ATG7: variants seen among roughly 807,000 people sequenced by gnomAD.
The protein encoded by ATG7 is ubiquitin-like modifier-activating enzyme ATG7.
ATG7 carries 70 observed loss-of-function variants against 82.4 expected under a neutral mutation model. The ratio of observed to expected loss-of-function variants is 0.85; its 90% confidence interval spans 0.70 to 1.04. The LOEUF (loss-of-function observed/expected upper bound fraction) is 1.04, where lower values mean the gene tolerates loss of function less well. Among genes scored for constraint, ATG7 ranks in the 50% least tolerant of loss-of-function variants. The pLI is 0.00. For synonymous variants in ATG7, 287 were observed against 313.0 expected (o/e 0.92, Z 0.88); for missense variants, 792 against 864.3 (o/e 0.92, Z 1.05).
chr3:11,560,464 C>T (rs1476695311), downstream of ATG7, among the ~76,000 whole-genome samples: 2 of 152,166 alleles, frequency 1.3e-5, no homozygotes, highest in African/African-American at 2.4e-5. Flanking sequence ...GCCAGAGGGA[C>T]GCTGGGCCTT....
intron 20 of ATG7, among the ~76,000 whole-genome samples, chr3:11,479,442 G>A (rs958575391): frequency 3.3e-5 from 5 of 152,140 alleles, no homozygotes; most frequent in African/African-American, 1.2e-4. Flanking sequence ...CCAGAGCCTG[G>A]TGCCAGCACA....
intron 20 of ATG7, among the ~76,000 whole-genome samples, chr3:11,449,501 G>GA (rs2084903123): frequency 6.6e-6 from 1 of 152,192 alleles, no homozygotes; most frequent in African/African-American, 2.4e-5. Flanking sequence ...GAGAGGGTGA[G>GA]AGAGAGTATG....
At chr3:11,467,427 A>C (rs994955893) in intron 20 of ATG7, among the ~76,000 whole-genome samples, 1 of 152,196 alleles carries the variant, frequency 6.6e-6, no homozygotes, top group African/African-American at 2.4e-5. Flanking sequence ...CCCAGGCTGC[A>C]GTGCAATGGT....
At chr3:11,428,742 A>G (rs1228376111) in intron 20 of ATG7, among the ~76,000 whole-genome samples, 2 of 152,248 alleles carry the variant, frequency 1.3e-5, no homozygotes, top group African/African-American at 4.8e-5. Flanking sequence ...TTGTAAACAT[A>G]CAGTCATTTG....
chr3:11,295,896 A>G, intron 3 of ATG7, among the ~76,000 whole-genome samples: 1 of 151,056 alleles, frequency 6.6e-6, no homozygotes, highest in African/African-American at 2.4e-5. Flanking sequence ...CTCCTGCCTC[A>G]GCCTCCCAAG....
chr3:11,331,733 CT>C (rs1951673514), intron 10 of ATG7, among the ~76,000 whole-genome samples: 3 of 152,274 alleles, frequency 2.0e-5, no homozygotes, highest in Admixed American at 2.0e-4. Flanking sequence ...GTCTGGGTTT[CT>C]TTCAGATAGG....
chr3:11,421,980 G>C (rs2152933623), intron 19 of ATG7, among the ~76,000 whole-genome samples: 1 of 152,316 alleles, frequency 6.6e-6, no homozygotes, highest in East Asian at 1.9e-4. Flanking sequence ...TCAACAGTGG[G>C]CTTAAGATAT....
chr3:11,437,202 G>A (rs1436210623), intron 20 of ATG7, among the ~76,000 whole-genome samples: 2 of 152,196 alleles, frequency 1.3e-5, no homozygotes, highest in Non-Finnish European at 2.9e-5. Context: ...GTCGTAGGAT[G>A]TTAGCTCATT....
chr3:11,506,574 AAAAAAAAAAACC>A (rs763242887), intron 20 of ATG7, among the ~76,000 whole-genome samples: 1 of 116,168 alleles, frequency 8.6e-6, no homozygotes, highest in Admixed American at 9.2e-5. Flanking sequence ...AAAAAAAAAA[AAAAAAAAAAACC>A]CAAAAATTAG....
chr3:11,527,854 G>T (rs1288035288), intron 20 of ATG7, among the ~76,000 whole-genome samples: 2 of 152,212 alleles, frequency 1.3e-5, no homozygotes, highest in Non-Finnish European at 2.9e-5. Context: ...GCCAACATAG[G>T]TAAGATTTTG....
intron 3 of ATG7, among the ~76,000 whole-genome samples, chr3:11,286,635 G>A (rs1408079564): frequency 1.6e-5 from 2 of 125,030 alleles, no homozygotes; most frequent in African/African-American, 6.1e-5. Flanking sequence ...CGATCACCTG[G>A]GCTGGAGTGC....
intron 1 of ATG7, among the ~76,000 whole-genome samples, chr3:11,275,534 T>G (rs1179893014): frequency 1.3e-5 from 2 of 148,792 alleles, no homozygotes; most frequent in Non-Finnish European, 3.0e-5. Context: ...TTTTTTTTTT[T>G]TTTTTAGTAG....
chr3:11,339,010 G>A (rs184373271), intron 11 of ATG7, among the ~76,000 whole-genome samples: 2 of 152,222 alleles, frequency 1.3e-5, no homozygotes, highest in East Asian at 1.9e-4. Flanking sequence ...GAAAACCAGT[G>A]TACAGGCCGG....
chr3:11,354,372 G>A (rs746602282), intron 14 of ATG7, among the ~76,000 whole-genome samples: 6 of 152,192 alleles, frequency 3.9e-5, no homozygotes, highest in Admixed American at 1.3e-4. Flanking sequence ...TTATGAGGCC[G>A]GGCGCAATTG....
At chr3:11,285,003 T>C (rs993918875) in intron 3 of ATG7, among the ~76,000 whole-genome samples, 15 of 151,820 alleles carry the variant, frequency 9.9e-5, no homozygotes, top group Non-Finnish European at 1.6e-4. Flanking sequence ...CCCGCCACCA[T>C]GCCCAGCTAA....
chr3:11,515,294 G>T (rs893416248), intron 20 of ATG7, among the ~76,000 whole-genome samples: 1 of 129,160 alleles, frequency 7.7e-6, no homozygotes, highest in South Asian at 2.9e-4. Context: ...TGTGTCTCTT[G>T]CGCGTGTGTG....
intron 19 of ATG7, among the ~76,000 whole-genome samples, chr3:11,404,839 T>C (rs1269623992): frequency 6.6e-6 from 1 of 152,068 alleles, no homozygotes; most frequent in Non-Finnish European, 1.5e-5. Context: ...ACTTATTCAC[T>C]ATCATGAGAA....
chr3:11,447,856 A>G (rs899319320), intron 20 of ATG7, among the ~76,000 whole-genome samples: 1 of 152,180 alleles, frequency 6.6e-6, no homozygotes, highest in African/African-American at 2.4e-5. Context: ...AGCCTCCCTC[A>G]GAACTACACG....
chr3:11,452,131 CCCAG>C (rs2085249657), intron 20 of ATG7, among the ~76,000 whole-genome samples: 1 of 151,764 alleles, frequency 6.6e-6, no homozygotes, highest in Non-Finnish European at 1.5e-5. Context: ...CATCTGTAAT[CCCAG>C]TACTTTGAGA....
Sources: gnomAD v4.1 joint callset for allele counts (sites outside exome capture counted in the v4.1 genomes callset) on GRCh38, gnomAD v4.1.1 for gene constraint, MANE v1.5 for transcripts, NCBI Gene and HGNC (gene_info 2026-07-23, HGNC 2026-07-21) for gene names.